Variants in LCOR observed in about 807,000 individuals in gnomAD.
LCOR encodes the protein ligand-dependent corepressor.
In LCOR, 14 loss-of-function variants were observed where a neutral mutation model predicts 64.4. That is an observed-to-expected ratio of 0.22 (90% CI 0.14 to 0.34). LCOR has a LOEUF of 0.34. LCOR is among the 10% of genes least tolerant of loss of function. The pLI is 1.00. For synonymous variants in LCOR, 643 were observed against 642.5 expected, an observed-to-expected ratio of 1.00 and a Z score of -0.01; for missense variants, 1,686 against 1,765.3, an observed-to-expected ratio of 0.96 and a Z score of 0.80.
intron 4 of LCOR, among the ~76,000 whole-genome samples, chr10:96,911,272 A>G (rs917014467): frequency 6.6e-6 from 1 of 151,630 alleles, no homozygotes; most frequent in African/African-American, 2.4e-5. Context: ...TAAGTTTTGT[A>G]TTTTTAGTAG....
intron 2 of LCOR, among the ~76,000 whole-genome samples, chr10:96,873,274 G>A (rs963821211): frequency 1.3e-5 from 2 of 152,112 alleles, no homozygotes; most frequent in African/African-American, 4.8e-5. Context: ...TTCTGAGTTT[G>A]TGGGGAAAAA....
intron 2 of LCOR, among the ~76,000 whole-genome samples, chr10:96,875,810 G>A (rs1003423837): frequency 2.6e-5 from 4 of 151,986 alleles, no homozygotes; most frequent in African/African-American, 9.7e-5. Context: ...AGGCTGCAGT[G>A]AGCTGTGTTT....
intron 2 of LCOR, among the ~76,000 whole-genome samples, chr10:96,836,489 G>GT (rs948875855): frequency 5.9e-5 from 9 of 152,158 alleles, no homozygotes; most frequent in East Asian, 1.9e-4. Flanking sequence ...ACAAGCATCT[G>GT]TTTTTTACCA....
At position 96,985,825 on chromosome 10, in the gene LCOR, G is replaced by C. The variant is rs1451358020; in HGVS notation, c.*691G>C. 6.0e-6 allele frequency: 1 copy of C among 167,058 alleles called. No individual in the cohort carries two copies. Among genetic ancestry groups the C allele is most frequent in the Non-Finnish European group, 1.5e-5 (1 of 68,114 alleles). The allele number at this position is 167,058 out of a possible 1,614,324, so 10.3% of individuals were successfully genotyped here. The stretch of plus-strand genomic sequence containing the variant: ...TAAATTATGTGCCCATGGGACAAGA[G>C]ATATGTCACAAGTGTTAATTTTTGT... On this transcript the variant is annotated 3_prime_UTR_variant, in exon 8 of 8. Transcript: ENST00000421806.
At chr10:96,920,297 T>C (rs1424174353) in intron 4 of LCOR, among the ~76,000 whole-genome samples, 1 of 151,734 alleles carries the variant, frequency 6.6e-6, no homozygotes, top group Non-Finnish European at 1.5e-5. Context: ...GTCATTTGTA[T>C]ATCATGTTTA....
At position 96,833,419 on chromosome 10, in the gene LCOR, C is replaced by T; in HGVS notation, c.-390C>T. The T allele has an allele frequency of 1.0e-6, 1 of 986,020 alleles. No individual in the cohort carries two copies. Among genetic ancestry groups the T allele is most frequent in the Non-Finnish European group, 1.2e-6 (1 of 830,108 alleles). 61.1% of individuals were successfully genotyped at this position (986,020 alleles called of 1,614,324 possible). ...TTCTCTCCCAAGGTCCCGTTTCCCTCTGTGCGGCGGCCGGCGGGACCATAA... is the reference window on the plus strand; with the variant it reads ...TTCTCTCCCAAGGTCCCGTTTCCCTTTGTGCGGCGGCCGGCGGGACCATAA... On this transcript the variant is annotated 5_prime_UTR_variant, in exon 2 of 8. Transcript: ENST00000421806.
intron 2 of LCOR, among the ~76,000 whole-genome samples, chr10:96,858,295 A>G (rs1013111413): frequency 2.0e-5 from 3 of 152,218 alleles, no homozygotes; most frequent in Non-Finnish European, 4.4e-5. Context: ...TGTTCAGAGC[A>G]TGTTACTCTG....
At chr10:96,873,587 T>TAC (rs1846112657) in intron 2 of LCOR, among the ~76,000 whole-genome samples, 1 of 145,624 alleles carries the variant, frequency 6.9e-6, no homozygotes, top group African/African-American at 2.6e-5. Flanking sequence ...TGTGTGTGTG[T>TAC]GTGTGTGTGT....
At chr10:96,862,727 G>T (rs1163449987) in intron 2 of LCOR, among the ~76,000 whole-genome samples, 1 of 152,236 alleles carries the variant, frequency 6.6e-6, no homozygotes, top group African/African-American at 2.4e-5. Flanking sequence ...CCTAGGAATT[G>T]CCAGCCCCCG....
At chr10:96,966,894 C>T (rs552192437) in intron 7 of LCOR, among the ~76,000 whole-genome samples, 1 of 152,286 alleles carries the variant, frequency 6.6e-6, no homozygotes, top group Admixed American at 6.5e-5. Context: ...TGCTGCCATG[C>T]CTGGCTAATT....
chr10:96,832,937 C>A, intron 1 of LCOR: 1 of 961,466 alleles, frequency 1.0e-6, no homozygotes, highest in Non-Finnish European at 1.2e-6. Flanking sequence ...TGCAGGCGGG[C>A]GCCCGGCGCT....
intron 2 of LCOR, among the ~76,000 whole-genome samples, chr10:96,844,171 G>GAC (rs1181221396): frequency 4.2e-5 from 5 of 118,250 alleles, no homozygotes; most frequent in South Asian, 6.5e-4. Context: ...CACACCCCAA[G>GAC]ACAGGGGTCA....
At chr10:96,880,947 G>A (rs553735512) in intron 2 of LCOR, among the ~76,000 whole-genome samples, 102 of 152,306 alleles carry the variant, frequency 6.7e-4, no homozygotes, top group African/African-American at 2.4e-3. Context: ...TATTGAAGAT[G>A]CATAAGAAAA....
chr10:96,863,414 G>T (rs1046817878), intron 2 of LCOR, among the ~76,000 whole-genome samples: 2 of 151,970 alleles, frequency 1.3e-5, no homozygotes, highest in Admixed American at 6.6e-5. Flanking sequence ...ATGTTGGCCA[G>T]CCTGGTCTCG....
At chr10:96,852,223 T>C (rs12261278) in intron 2 of LCOR, among the ~76,000 whole-genome samples, 21,628 of 152,050 alleles carry the variant, frequency 0.14, 2,113 homozygotes, top group African/African-American at 0.27. Context: ...TTGAGACCAG[T>C]GTGGGAAACA....
Position 96,935,834 on chromosome 10 carries a change from TTAAAC to T in LCOR, c.-183-8278_-183-8274del, listed in dbSNP as rs377433908. Among the ~76,000 whole-genome samples, 89 of 152,202 alleles carry T rather than the reference TTAAAC, an allele frequency of 5.8e-4. 1 individual carries two copies. Among genetic ancestry groups the T allele is most frequent in the African/African-American group, 2.0e-3 (85 of 41,540 alleles). On this transcript the variant is annotated intron_variant, in intron 4 of 7. Coordinates refer to ENST00000421806, the MANE Select transcript of LCOR (RefSeq NM_001346516.2). ...TGGGCAACAGAGCAAGATCCTGTCT[TTAAAC>T]AAACAAACAACAACGACAAAAACAG...
intron 4 of LCOR, among the ~76,000 whole-genome samples, chr10:96,933,853 G>A (rs187634748): frequency 4.9e-4 from 74 of 152,198 alleles, no homozygotes; most frequent in African/African-American, 1.7e-3. Flanking sequence ...CAAATAAAAA[G>A]ATACACTTGG....
At chr10:96,862,011 G>A (rs1459424012) in intron 2 of LCOR, among the ~76,000 whole-genome samples, 1 of 152,178 alleles carries the variant, frequency 6.6e-6, no homozygotes. Flanking sequence ...CTCCCTCTTT[G>A]CATTTGATTA....
rs17112217 is a variant in LCOR, at chr10:96,916,435, A to G, written c.-184+8688A>G. Among the ~76,000 whole-genome samples the G allele has an allele frequency of 2.5e-3, 383 of 152,034 alleles. 9 individuals are homozygous for G. The East Asian group carries it at 0.047, about 19-fold the overall frequency. ...ATGTTGAATACTTTGGGCATATTCA[A>G]ACCTGCTCAATGTGACTTGCCTGTC... On this transcript the variant is annotated intron_variant, in intron 4 of 7. Transcript: ENST00000421806.
Sources: gnomAD v4.1 joint callset for allele counts (sites outside exome capture counted in the v4.1 genomes callset) on GRCh38, gnomAD v4.1.1 for gene constraint, MANE v1.5 for transcripts, NCBI Gene and HGNC (gene_info 2026-07-23, HGNC 2026-07-21) for gene names.